COL25A1: variants seen among roughly 807,000 people sequenced by gnomAD.
The protein encoded by COL25A1 is collagen type XXV alpha 1 chain, also known as collagen alpha-1(XXV) chain.
A neutral mutation model predicts 128.4 loss-of-function variants in COL25A1; 103 were observed. The observed-to-expected ratio is 0.80, with a 90% CI of 0.68 to 0.94. The LOEUF (loss-of-function observed/expected upper bound fraction) is 0.94. Among genes scored for constraint, COL25A1 ranks in the 40% least tolerant of loss-of-function variants. The pLI, the probability that COL25A1 is intolerant of heterozygous loss-of-function variation, is 0.00. For missense variants in COL25A1, 745 were observed against 840.0 expected, an observed-to-expected ratio of 0.89 and a Z score of 1.40; for synonymous variants, 279 against 277.2, an observed-to-expected ratio of 1.01 and a Z score of -0.06.
intron 3 of COL25A1, among the ~76,000 whole-genome samples, chr4:109,282,226 G>A (rs1053791243): frequency 1.3e-5 from 2 of 152,260 alleles, no homozygotes; most frequent in Admixed American, 1.3e-4. Context: ...ACAGTAAAAT[G>A]TTGATGGATT....
At position 108,819,323 on chromosome 4, in the gene COL25A1, G is replaced by A. The variant is rs779859944; in HGVS notation, c.1852C>T (p.Arg618Cys). ...TCCCCTTTTTCCCCCTTAACGCCAC[G>A]GAATCCCTGTTTGTAAAGATTAACT... ...DLGEKGEKGFRGVKGEKGEPG... is the reference protein window; with the variant it reads ...DLGEKGEKGFCGVKGEKGEPG... Residue 618 changes from arginine (R) to cysteine (C), a missense_variant, in exon 36 of 38, where the codon CGT (arginine) becomes TGT (cysteine). By Grantham distance (180) the Arg-to-Cys change is radical. Coordinates refer to ENST00000399132, the MANE Select transcript of COL25A1 (RefSeq NM_198721.4). 12 of 1,612,000 alleles carry A rather than the reference G, an allele frequency of 7.4e-6. No homozygotes were observed. Among genetic ancestry groups the A allele is most frequent in the Non-Finnish European group, 9.3e-6 (11 of 1,179,106 alleles).
At chr4:108,952,908 A>G (rs1051892850) in intron 8 of COL25A1, among the ~76,000 whole-genome samples, 8 of 132,730 alleles carry the variant, frequency 6.0e-5, no homozygotes, top group Admixed American at 9.3e-5. Flanking sequence ...ATTCTCTGGG[A>G]ACTCTATTCA....
intron 3 of COL25A1, among the ~76,000 whole-genome samples, chr4:109,069,595 T>C (rs1172838399): frequency 2.0e-5 from 3 of 152,186 alleles, no homozygotes; most frequent in Admixed American, 2.0e-4. Flanking sequence ...CCCAGCAGTG[T>C]AAGTATGCTG....
chr4:108,901,080 G>T, intron 14 of COL25A1, 39 bp downstream of exon 14: 3 of 1,461,020 alleles, frequency 2.1e-6, no homozygotes, highest in African/African-American at 1.4e-5. Flanking sequence ...CTGACAATTC[G>T]TGTGTCAAAT....
At chr4:109,030,617 G>T (rs574244542) in intron 5 of COL25A1, among the ~76,000 whole-genome samples, 1 of 152,334 alleles carries the variant, frequency 6.6e-6, no homozygotes, top group East Asian at 1.9e-4. Flanking sequence ...AGACTCTCTG[G>T]TCTGTATGGG....
chr4:109,005,754 C>A (rs1755904363), intron 6 of COL25A1, among the ~76,000 whole-genome samples: 1 of 152,084 alleles, frequency 6.6e-6, no homozygotes, highest in African/African-American at 2.4e-5. Flanking sequence ...AAACCTTGCA[C>A]AGATGACAAG....
chr4:109,213,306 C>T (rs190774843), intron 3 of COL25A1, among the ~76,000 whole-genome samples: 1 of 152,058 alleles, frequency 6.6e-6, no homozygotes, highest in Non-Finnish European at 1.5e-5. Context: ...GCAAAGTATG[C>T]AACACTCCTC....
intron 3 of COL25A1, among the ~76,000 whole-genome samples, chr4:109,092,480 T>C (rs1204421334): frequency 1.3e-5 from 2 of 152,108 alleles, no homozygotes; most frequent in African/African-American, 2.4e-5. Context: ...CAGAGCGAGA[T>C]GCACACATGC....
intron 5 of COL25A1, among the ~76,000 whole-genome samples, chr4:109,027,745 GA>G (rs1758441673): frequency 6.6e-6 from 1 of 151,856 alleles, no homozygotes; most frequent in South Asian, 2.1e-4. Flanking sequence ...TGTGGGGTGT[GA>G]GAAAAAAGAG....
intron 3 of COL25A1, among the ~76,000 whole-genome samples, chr4:109,182,017 A>T (rs1284607056): frequency 6.6e-6 from 1 of 152,134 alleles, no homozygotes; most frequent in Non-Finnish European, 1.5e-5. Context: ...ATGTTGCCAC[A>T]AATGCCGAAT....
At chr4:108,885,907 C>T (rs1740716883) in intron 18 of COL25A1, among the ~76,000 whole-genome samples, 2 of 152,034 alleles carry the variant, frequency 1.3e-5, no homozygotes, top group Admixed American at 1.3e-4. Context: ...TTTCCTCCCA[C>T]CAAATGAAAG....
At chr4:109,288,024 T>C (rs1724056216) in intron 3 of COL25A1, among the ~76,000 whole-genome samples, 1 of 151,804 alleles carries the variant, frequency 6.6e-6, no homozygotes, top group South Asian at 2.1e-4. Context: ...AAGAAAAAAA[T>C]AAACTAGGAG....
At chr4:108,946,975 G>A (rs1748834487) in intron 8 of COL25A1, among the ~76,000 whole-genome samples, 1 of 152,148 alleles carries the variant, frequency 6.6e-6, no homozygotes, top group Admixed American at 6.6e-5. Context: ...ATGAGGAGCA[G>A]AGAATGGTCC....
rs187654691 is a variant in COL25A1, at chr4:109,269,278, C to T, written c.367+31305G>A. ...GACATGAACGCATTATTTTTTATGG[C>T]TGCATAGTATTCCATGGTGTATATA... On this transcript the variant is annotated intron_variant, in intron 3 of 37. Coordinates refer to ENST00000399132, the MANE Select transcript of COL25A1 (RefSeq NM_198721.4). Among the ~76,000 whole-genome samples the T allele has an allele frequency of 3.7e-3, 559 of 151,564 alleles. 5 individuals are homozygous for T. Among genetic ancestry groups the T allele is most frequent in the African/African-American group, 0.012 (507 of 40,958 alleles).
chr4:109,144,906 G>A (rs1578278718), intron 3 of COL25A1, among the ~76,000 whole-genome samples: 1 of 152,128 alleles, frequency 6.6e-6, no homozygotes. Context: ...AATTGTTTCA[G>A]GTAATATTGA....
chr4:108,923,277 G>T (rs939269551), intron 11 of COL25A1, among the ~76,000 whole-genome samples: 1 of 152,044 alleles, frequency 6.6e-6, no homozygotes, highest in East Asian at 1.9e-4. Context: ...TGCGGTTTCT[G>T]GTACAAATGT....
intron 3 of COL25A1, among the ~76,000 whole-genome samples, chr4:109,254,067 A>G (rs1325440538): frequency 3.3e-5 from 5 of 151,512 alleles, no homozygotes; most frequent in Non-Finnish European, 2.9e-5. Flanking sequence ...AGCCTGGGCG[A>G]CAGTGCGAGA....
At chr4:109,143,343 T>G (rs1339403305) in intron 3 of COL25A1, among the ~76,000 whole-genome samples, 2 of 152,238 alleles carry the variant, frequency 1.3e-5, no homozygotes, top group African/African-American at 2.4e-5. Context: ...TAACGTTTTT[T>G]CCTTCATTTT....
intron 3 of COL25A1, among the ~76,000 whole-genome samples, chr4:109,159,706 A>G (rs988595756): frequency 6.6e-6 from 1 of 152,254 alleles, no homozygotes; most frequent in Non-Finnish European, 1.5e-5. Flanking sequence ...TTCTAAACTC[A>G]TAAGACAGGG....
Sources: gnomAD v4.1 joint callset for allele counts (sites outside exome capture counted in the v4.1 genomes callset) on GRCh38, gnomAD v4.1.1 for gene constraint, MANE v1.5 for transcripts, NCBI Gene and HGNC (gene_info 2026-07-23, HGNC 2026-07-21) for gene names.